The following CPSF2 variants were observed in gnomAD, a reference collection of about 807,000 sequenced individuals.
The protein encoded by CPSF2 is cleavage and polyadenylation specific factor 2.
In CPSF2, 51 loss-of-function variants were observed where a neutral mutation model predicts 84.2. The ratio of observed to expected loss-of-function variants is 0.61; its 90% CI spans 0.48 to 0.77. CPSF2 has a LOEUF of 0.77. Among genes scored for constraint, CPSF2 ranks in the 30% least tolerant of loss-of-function variants. CPSF2 has a pLI of 0.00. For synonymous variants in CPSF2, 286 were observed against 311.9 expected (o/e 0.92, Z 0.87); for missense variants, 641 against 929.4 (o/e 0.69, Z 4.03).
chr14:92,122,728 A>T (rs1011723972), intron 1 of CPSF2, among the ~76,000 whole-genome samples: 7 of 152,208 alleles, frequency 4.6e-5, no homozygotes, highest in Non-Finnish European at 8.8e-5. Context: ...CTCTTTAGAA[A>T]AGAAGAGGTC....
rs1253834386 is a variant in CPSF2 at position 92,169,574 on chromosome 14, A to G, written c.*7830A>G. 6.6e-6 allele frequency: 1 copy of G among 152,096 alleles called. No individual in the cohort carries two copies. Among genetic ancestry groups the G allele is most frequent in the African/African-American group, 2.4e-5 (1 of 41,430 alleles). The allele number at this position is 152,096 out of a possible 1,614,324, so 9.4% of individuals were successfully genotyped here. On this transcript the variant is annotated 3_prime_UTR_variant, in exon 16 of 16. Coordinates refer to ENST00000298875, the MANE Select transcript of CPSF2 (RefSeq NM_017437.3). ...TTTAAATATCAAAACATAAATGTCT[A>G]AAGAGATTGTGTAAATTCTTTATCA...
chr14:92,125,708 T>C (rs141061711), intron 1 of CPSF2, among the ~76,000 whole-genome samples: 1 of 152,298 alleles, frequency 6.6e-6, no homozygotes, highest in Non-Finnish European at 1.5e-5. Context: ...TTTTCCAGGC[T>C]AGTTTTTTCA....
rs1567025235 is a variant in CPSF2 at position 92,155,176 on chromosome 14, C to T, written c.1295C>T (p.Pro432Leu). ...GATATTGAGGAAGATATTGACCAGC[C>T]ATCAGCTCATAAGACGAAGCATGAC... The part of the protein sequence containing the change: ...ESDIEEDIDQ[P>L]SAHKTKHDLM... The change falls in exon 11 of 16, where the codon CCA (proline) becomes CTA (leucine). Residue 432 changes from proline to leucine, a missense_variant. Physicochemically the swap from Pro to Leu is moderately conservative, Grantham distance 98. Around this residue, in one of 2 missense-constraint regions of CPSF2, gnomAD observed 430 missense variants for 553.6 expected, o/e 0.78. Coordinates refer to ENST00000298875, the MANE Select transcript of CPSF2 (RefSeq NM_017437.3). 1 of 1,613,840 alleles carries T rather than the reference C, an allele frequency of 6.2e-7. No individual in the cohort carries two copies. Among genetic ancestry groups the T allele is most frequent in the Non-Finnish European group, 8.5e-7 (1 of 1,179,944 alleles).
At chr14:92,137,145 A>G (rs1045996526) in intron 6 of CPSF2, among the ~76,000 whole-genome samples, 1 of 152,142 alleles carries the variant, frequency 6.6e-6, no homozygotes, top group Non-Finnish European at 1.5e-5. Context: ...CAAAAGTTAT[A>G]AAGTCAAAAG....
At chr14:92,137,445 G>A (rs2069015070) in intron 6 of CPSF2, among the ~76,000 whole-genome samples, 1 of 152,184 alleles carries the variant, frequency 6.6e-6, no homozygotes, top group African/African-American at 2.4e-5. Context: ...CTGGGCTCCA[G>A]TGATCTGCCC....
rs1452239086 is a variant in CPSF2, at chr14:92,167,588, G to A, written c.*5844G>A. On this transcript the variant is annotated 3_prime_UTR_variant, in exon 16 of 16. Transcript: ENST00000298875. ...GCTTCTACACTGCATTATTGCTTTG[G>A]TTCCCTAGTGTACATTCACTTTGCT... 1 of 152,020 alleles carries A rather than the reference G, an allele frequency of 6.6e-6. No individual in the cohort carries two copies. Among genetic ancestry groups the A allele is most frequent in the Non-Finnish European group, 1.5e-5 (1 of 68,018 alleles). The allele number at this position is 152,020 out of a possible 1,614,324, so 9.4% of individuals were successfully genotyped here. A position where few individuals can be genotyped will look rare whatever the true frequency, so the allele number is the denominator to read the frequency against.
intron 1 of CPSF2, among the ~76,000 whole-genome samples, chr14:92,123,419 A>G (rs966521408): frequency 4.0e-5 from 6 of 149,250 alleles, no homozygotes; most frequent in Non-Finnish European, 7.4e-5. Context: ...ATTATTTGAG[A>G]CCGGGTCTCG....
chr14:92,127,321 G>C (rs1458547523), intron 2 of CPSF2, among the ~76,000 whole-genome samples: 1 of 152,220 alleles, frequency 6.6e-6, no homozygotes, highest in Non-Finnish European at 1.5e-5. Flanking sequence ...ATAAATTAGA[G>C]ACAGGGAAAA....
intron 1 of CPSF2, among the ~76,000 whole-genome samples, chr14:92,122,986 C>T (rs1046009150): frequency 4.0e-5 from 6 of 151,344 alleles, no homozygotes; most frequent in African/African-American, 1.5e-4. Flanking sequence ...CCCGGCCTTG[C>T]AACCCCAGTA....
intron 14 of CPSF2, among the ~76,000 whole-genome samples, chr14:92,159,788 A>G (rs1206783212): frequency 6.6e-6 from 1 of 151,874 alleles, no homozygotes; most frequent in African/African-American, 2.4e-5. Context: ...TATTAATTCT[A>G]TATAGCTAAG....
intron 8 of CPSF2, 57 bp downstream of exon 8, chr14:92,142,408 A>G: frequency 7.5e-7 from 1 of 1,328,822 alleles, no homozygotes; most frequent in South Asian, 1.5e-5. Context: ...GGTCTGTGGA[A>G]GTGGGCGTCT....
chr14:92,159,361 C>T (rs530388046), intron 14 of CPSF2, 79 bp downstream of exon 14: 1 of 1,238,872 alleles, frequency 8.1e-7, no homozygotes, highest in African/African-American at 1.5e-5. Flanking sequence ...GTTTTTTTCC[C>T]CCCTTCTAAA....
Position 92,134,301 on chromosome 14 carries a change from G to A in CPSF2, c.361G>A (p.Ala121Thr), listed in dbSNP as rs763119466. 5.6e-6 allele frequency: 9 copies of A among 1,613,558 alleles called. No homozygotes were observed. The highest frequency in any genetic ancestry group is 5.3e-5 in the African/African-American group (4 of 74,926). ...ACTCTTTACATTAGATGATGTGGAT[G>A]CAGCCTTTGATAAAATACAGCAGCT... Reference protein sequence around the residue: ...FTLFTLDDVDAAFDKIQQLKF... With the variant: ...FTLFTLDDVDTAFDKIQQLKF... Residue 121 changes from alanine (A) to threonine (T), a missense_variant, in exon 5 of 16, where the codon GCA becomes ACA. Ala to Thr is a moderately conservative substitution (Grantham distance 58). Coordinates refer to ENST00000298875, the MANE Select transcript of CPSF2 (RefSeq NM_017437.3).
chr14:92,125,443 C>T (rs1039475493), intron 1 of CPSF2, among the ~76,000 whole-genome samples: 5 of 152,158 alleles, frequency 3.3e-5, no homozygotes, highest in South Asian at 2.1e-4. Context: ...GAATCAGTAA[C>T]GTTAGGAAGG....
At chr14:92,141,595 T>A (rs2069079596) in intron 7 of CPSF2, among the ~76,000 whole-genome samples, 1 of 152,164 alleles carries the variant, frequency 6.6e-6, no homozygotes. Flanking sequence ...CCCAAACTGC[T>A]GGGATTACAG....
chr14:92,131,175 TTC>T (rs2068923171), intron 3 of CPSF2, 42 bp downstream of exon 3: 8 of 1,500,122 alleles, frequency 5.3e-6, no homozygotes, highest in Non-Finnish European at 7.3e-6. Context: ...TTAAATCAAC[TTC>T]TCTTTTCTGT....
intron 9 of CPSF2, among the ~76,000 whole-genome samples, chr14:92,153,473 C>T (rs368128323): frequency 3.3e-5 from 5 of 151,948 alleles, no homozygotes; most frequent in African/African-American, 1.2e-4. Flanking sequence ...ATTCATGTTG[C>T]TGTATTTATT....
intron 14 of CPSF2, among the ~76,000 whole-genome samples, chr14:92,160,144 G>A (rs534778565): frequency 6.6e-6 from 1 of 152,214 alleles, no homozygotes; most frequent in African/African-American, 2.4e-5. Context: ...TGTACTTTTA[G>A]TAGAAACGGG....
At chr14:92,131,197 C>CAGTACA (rs1409968704) in intron 3 of CPSF2, 64 bp downstream of exon 3, 33 of 1,337,460 alleles carry the variant, frequency 2.5e-5, no homozygotes, top group Non-Finnish European at 3.4e-5. Context: ...TACTGTAATA[C>CAGTACA]CATTTCGATG....
Sources: allele counts gnomAD v4.1 joint callset (sites outside exome capture counted in the v4.1 genomes callset), GRCh38; gene constraint gnomAD v4.1.1; regional missense constraint gnomAD v4.1.1; transcripts MANE v1.5; gene names NCBI Gene and HGNC (gene_info 2026-07-23, HGNC 2026-07-21).